Variants in PIP5K1B observed in about 807,000 individuals in gnomAD.
The protein encoded by PIP5K1B is phosphatidylinositol 4-phosphate 5-kinase type-1 beta.
PIP5K1B carries 42 observed loss-of-function variants against 67.0 expected under a neutral mutation model. The observed-to-expected ratio is 0.63, with a 90% CI of 0.49 to 0.81. The LOEUF (loss-of-function observed/expected upper bound fraction) is 0.81, where lower values mean the gene tolerates loss of function less well. Among genes scored for constraint, PIP5K1B ranks in the 30% least tolerant of loss-of-function variants. PIP5K1B has a pLI of 0.00. For synonymous variants in PIP5K1B, 214 were observed against 231.4 expected (o/e 0.92, Z 0.68); for missense variants, 459 against 646.3 (o/e 0.71, Z 3.14).
At chr9:68,812,622 C>T (rs1177442254) in intron 2 of PIP5K1B, among the ~76,000 whole-genome samples, 2 of 152,292 alleles carry the variant, frequency 1.3e-5, no homozygotes, top group East Asian at 3.9e-4. Flanking sequence ...TGAGTATGTC[C>T]TTACTTGGCC....
chr9:68,836,528 T>C (rs1418616827), intron 4 of PIP5K1B, among the ~76,000 whole-genome samples: 2 of 152,226 alleles, frequency 1.3e-5, no homozygotes, highest in African/African-American at 2.4e-5. Context: ...ATTTGGGGTA[T>C]GCCAACTCAA....
At chr9:68,785,159 C>T (rs985386005) in intron 2 of PIP5K1B, among the ~76,000 whole-genome samples, 2 of 152,110 alleles carry the variant, frequency 1.3e-5, no homozygotes, top group South Asian at 4.1e-4. Flanking sequence ...TAAGTGGGTA[C>T]TAGGTAAAGC....
intron 15 of PIP5K1B, among the ~76,000 whole-genome samples, chr9:69,000,470 C>A (rs1487106696): frequency 1.3e-5 from 2 of 152,116 alleles, no homozygotes; most frequent in Admixed American, 1.3e-4. Context: ...ACAGAAATTT[C>A]TTTTCTTGTC....
intron 4 of PIP5K1B, among the ~76,000 whole-genome samples, chr9:68,841,705 T>C (rs1400258722): frequency 6.6e-6 from 1 of 152,240 alleles, no homozygotes; most frequent in African/African-American, 2.4e-5. Context: ...AGACCTTTTT[T>C]CTTGAAAGTA....
intron 14 of PIP5K1B, among the ~76,000 whole-genome samples, chr9:68,980,267 G>A (rs983504761): frequency 7.2e-5 from 11 of 152,210 alleles, no homozygotes; most frequent in Admixed American, 6.5e-4. Flanking sequence ...CTTCAGAAGC[G>A]CCTGGGTCAC....
At chr9:68,849,215 C>G (rs1822352804) in intron 4 of PIP5K1B, among the ~76,000 whole-genome samples, 1 of 151,912 alleles carries the variant, frequency 6.6e-6, no homozygotes, top group Admixed American at 6.6e-5. Flanking sequence ...GAACAAGAAC[C>G]CTAGTGTCTA....
At chr9:68,978,527 A>T (rs1402349169) in intron 14 of PIP5K1B, among the ~76,000 whole-genome samples, 2 of 152,208 alleles carry the variant, frequency 1.3e-5, no homozygotes, top group African/African-American at 2.4e-5. Context: ...GATAAGGCAC[A>T]CTTAGGTTGT....
At chr9:68,918,152 C>T (rs1254314033) in intron 9 of PIP5K1B, among the ~76,000 whole-genome samples, 1 of 148,994 alleles carries the variant, frequency 6.7e-6, no homozygotes, top group Non-Finnish European at 1.5e-5. Flanking sequence ...GGCAGTGGTG[C>T]CATCTCAGTT....
intron 2 of PIP5K1B, chr9:68,789,388 C>A: frequency 2.4e-6 from 1 of 414,402 alleles, no homozygotes. Flanking sequence ...TGAACAGACT[C>A]CAACATAGTC....
At chr9:68,795,717 A>T (rs1379531046) in intron 2 of PIP5K1B, among the ~76,000 whole-genome samples, 1 of 152,232 alleles carries the variant, frequency 6.6e-6, no homozygotes, top group East Asian at 1.9e-4. Context: ...GATGGTATAT[A>T]GGAAGTCAGT....
At chr9:68,956,449 A>T (rs1272489650) in intron 14 of PIP5K1B, among the ~76,000 whole-genome samples, 1 of 152,206 alleles carries the variant, frequency 6.6e-6, no homozygotes, top group African/African-American at 2.4e-5. Flanking sequence ...AGCCTGGGCG[A>T]CTGAGGAGAC....
rs1489939472 is a variant in PIP5K1B at position 68,836,573 on chromosome 9, AT to A, written c.69+13896del. ...ATGTTTATCTCTATGCTTTTTATTCATTTTTTGGAGAAATTTTGTTTTTAGC... is the reference window on the plus strand; with the variant it reads ...ATGTTTATCTCTATGCTTTTTATTCATTTTTGGAGAAATTTTGTTTTTAGC... On this transcript the variant is annotated intron_variant, in intron 4 of 15. Coordinates refer to ENST00000265382, the MANE Select transcript of PIP5K1B (RefSeq NM_003558.4). Among the ~76,000 whole-genome samples, 3 of 152,212 alleles carry A rather than the reference AT, an allele frequency of 2.0e-5. No homozygotes were observed. The South Asian group carries it at 6.2e-4, about 32-fold the overall frequency.
At chr9:68,715,766 G>T (rs1369038151) in intron 1 of PIP5K1B, among the ~76,000 whole-genome samples, 1 of 152,200 alleles carries the variant, frequency 6.6e-6, no homozygotes, top group Admixed American at 6.5e-5. Context: ...GAAAGGAAAT[G>T]CACAGAGATC....
intron 4 of PIP5K1B, among the ~76,000 whole-genome samples, chr9:68,832,492 T>C (rs1397761833): frequency 1.3e-5 from 2 of 152,256 alleles, no homozygotes; most frequent in African/African-American, 4.8e-5. Context: ...CTGTTTACTG[T>C]CTGGTCCTGT....
At chr9:68,796,207 C>T (rs989211588) in intron 2 of PIP5K1B, among the ~76,000 whole-genome samples, 2 of 152,258 alleles carry the variant, frequency 1.3e-5, no homozygotes, top group Non-Finnish European at 1.5e-5. Flanking sequence ...TTTAAATATG[C>T]TTCTGCATTT....
At chr9:68,767,593 TAAAAAAAAA>T (rs36028796) in intron 2 of PIP5K1B, among the ~76,000 whole-genome samples, 1 of 128,402 alleles carries the variant, frequency 7.8e-6, no homozygotes, top group Non-Finnish European at 1.6e-5. Context: ...GACTCTGTCT[TAAAAAAAAA>T]AAAAAAAAAA....
At chr9:68,907,315 G>T (rs945503122) in intron 8 of PIP5K1B, among the ~76,000 whole-genome samples, 1 of 152,116 alleles carries the variant, frequency 6.6e-6, no homozygotes, top group Non-Finnish European at 1.5e-5. Context: ...CCATACTCAC[G>T]CATTCCAGCT....
At chr9:68,882,533 T>C (rs1256223225) in intron 6 of PIP5K1B, among the ~76,000 whole-genome samples, 1 of 152,216 alleles carries the variant, frequency 6.6e-6, no homozygotes, top group Admixed American at 6.5e-5. Flanking sequence ...TTAATGTCAC[T>C]GCTTATAGAA....
At chr9:68,744,851 A>T (rs531170724) in intron 2 of PIP5K1B, among the ~76,000 whole-genome samples, 1 of 152,014 alleles carries the variant, frequency 6.6e-6, no homozygotes, top group Non-Finnish European at 1.5e-5. Flanking sequence ...CTAATTGCAG[A>T]CTGTTTCCAC....
Sources: allele counts gnomAD v4.1 joint callset (sites outside exome capture counted in the v4.1 genomes callset), GRCh38; gene constraint gnomAD v4.1.1; transcripts MANE v1.5; gene names NCBI Gene and HGNC (gene_info 2026-07-23, HGNC 2026-07-21).